CTNNA3: variants seen among roughly 807,000 people sequenced by gnomAD.
The protein encoded by CTNNA3 is catenin alpha 3.
Under a neutral mutation model 95.7 loss-of-function variants are expected in CTNNA3, and 76 were observed. That is an observed-to-expected ratio of 0.79 (90% CI 0.66 to 0.96). The LOEUF is 0.96. Among genes scored for constraint, CTNNA3 ranks in the 40% least tolerant of loss-of-function variants. The pLI is 0.00. For missense variants in CTNNA3, 1,191 were observed against 1,089.8 expected (o/e 1.09, Z -1.31); for synonymous variants, 431 against 374.4 (o/e 1.15, Z -1.74).
intron 11 of CTNNA3, among the ~76,000 whole-genome samples, chr10:66,505,588 G>A (rs1008140050): frequency 3.3e-5 from 5 of 152,104 alleles, no homozygotes; most frequent in East Asian, 1.9e-4. Context: ...TTCTTTTCTC[G>A]GTAAATGGAA....
At chr10:66,365,293 C>A (rs558876483) in intron 12 of CTNNA3, among the ~76,000 whole-genome samples, 3 of 152,100 alleles carry the variant, frequency 2.0e-5, no homozygotes, top group African/African-American at 7.2e-5. Flanking sequence ...GATGAGAAAA[C>A]CAAACACTGC....
At chr10:66,484,316 C>T (rs545976323) in intron 11 of CTNNA3, among the ~76,000 whole-genome samples, 4 of 151,768 alleles carry the variant, frequency 2.6e-5, no homozygotes, top group African/African-American at 9.7e-5. Flanking sequence ...AAAACTGTTC[C>T]AAATTTTCTT....
At chr10:66,163,957 T>C (rs1338359226) in intron 13 of CTNNA3, among the ~76,000 whole-genome samples, 1 of 152,226 alleles carries the variant, frequency 6.6e-6, no homozygotes, top group African/African-American at 2.4e-5. Context: ...CATTTTTGTG[T>C]TGGTACATAT....
At chr10:66,277,912 G>T (rs758442240) in intron 13 of CTNNA3, among the ~76,000 whole-genome samples, 1 of 151,682 alleles carries the variant, frequency 6.6e-6, no homozygotes, top group Non-Finnish European at 1.5e-5. Flanking sequence ...AGATACTAAA[G>T]GTTCTTAACA....
At chr10:66,610,229 T>C (rs565496853) in intron 10 of CTNNA3, among the ~76,000 whole-genome samples, 41 of 146,636 alleles carry the variant, frequency 2.8e-4, no homozygotes, top group African/African-American at 9.0e-4. Context: ...CCAGTTTTTG[T>C]GTAAAAATAC....
intron 2 of CTNNA3, among the ~76,000 whole-genome samples, chr10:67,617,766 C>CA (rs1843700045): frequency 7.2e-6 from 1 of 138,292 alleles, no homozygotes; most frequent in South Asian, 2.3e-4. Context: ...CCAGCATCTG[C>CA]TTTTTTTTTT....
intron 15 of CTNNA3, among the ~76,000 whole-genome samples, chr10:66,019,478 T>A (rs975606980): frequency 6.6e-6 from 1 of 152,186 alleles, no homozygotes; most frequent in Non-Finnish European, 1.5e-5. Context: ...TCTCCTACTG[T>A]AGCATTCCCA....
intron 13 of CTNNA3, among the ~76,000 whole-genome samples, chr10:66,222,871 A>G (rs1254876296): frequency 1.3e-5 from 2 of 152,188 alleles, no homozygotes; most frequent in African/African-American, 2.4e-5. Flanking sequence ...ATTCTTTTCT[A>G]TAAGGTTATT....
chr10:66,489,865 A>G (rs1839864093), intron 11 of CTNNA3, among the ~76,000 whole-genome samples: 8 of 152,204 alleles, frequency 5.3e-5, no homozygotes, highest in Admixed American at 4.6e-4. Flanking sequence ...TACTGGTCCA[A>G]CTTGTCCCAA....
chr10:66,853,133 A>G (rs10822931), intron 7 of CTNNA3, among the ~76,000 whole-genome samples: 87,675 of 151,896 alleles, frequency 0.58, 26,340 homozygotes, highest in Non-Finnish European at 0.63. Context: ...CAGGAGCACT[A>G]TATGCAACGC....
chr10:67,758,726 T>C (rs1019226381), intron 1 of CTNNA3, among the ~76,000 whole-genome samples: 1 of 151,498 alleles, frequency 6.6e-6, no homozygotes, highest in East Asian at 1.9e-4. Flanking sequence ...GGGTATAAGA[T>C]TTCATTCTTA....
rs571983851 is a variant in CTNNA3 at position 66,086,595 on chromosome 10, A to G, written c.1977+16562T>C. Among the ~76,000 whole-genome samples the G allele has an allele frequency of 1.5e-3, 233 of 152,164 alleles. 6 individuals are homozygous for G. Among genetic ancestry groups the G allele is most frequent in the Non-Finnish European group, 4.3e-4 (29 of 68,034 alleles). On this transcript the variant is annotated intron_variant, in intron 14 of 17. Coordinates refer to ENST00000433211, the MANE Select transcript of CTNNA3 (RefSeq NM_013266.4). ...TTTAAAACAAAAAATTTAAAAAGGAAGAAAAAATTACCACAAAAAACTTAC... is the reference window on the plus strand; with the variant it reads ...TTTAAAACAAAAAATTTAAAAAGGAGGAAAAAATTACCACAAAAAACTTAC...
chr10:66,406,957 A>AT (rs2093062301), intron 11 of CTNNA3, among the ~76,000 whole-genome samples: 1 of 152,088 alleles, frequency 6.6e-6, no homozygotes, highest in Non-Finnish European at 1.5e-5. Flanking sequence ...TCTGAATAAA[A>AT]TTTTCTTTCA....
chr10:67,356,756 T>C (rs1474089610), intron 5 of CTNNA3, among the ~76,000 whole-genome samples: 1 of 152,100 alleles, frequency 6.6e-6, no homozygotes, highest in East Asian at 1.9e-4. Context: ...TTAGCTTAGA[T>C]TCCATGGTCC....
chr10:66,177,456 C>G (rs1156873113), intron 13 of CTNNA3, among the ~76,000 whole-genome samples: 1 of 151,658 alleles, frequency 6.6e-6, no homozygotes, highest in Non-Finnish European at 1.5e-5. Flanking sequence ...TTGGAGGGAT[C>G]TATTTTTTTC....
intron 7 of CTNNA3, among the ~76,000 whole-genome samples, chr10:67,170,899 A>G (rs1861991434): frequency 6.6e-6 from 1 of 152,224 alleles, no homozygotes; most frequent in Non-Finnish European, 1.5e-5. Flanking sequence ...GCTACACTAT[A>G]AATGTAAAAT....
chr10:66,134,455 T>C (rs1408478328), intron 13 of CTNNA3, among the ~76,000 whole-genome samples: 1 of 152,166 alleles, frequency 6.6e-6, no homozygotes, highest in Non-Finnish European at 1.5e-5. Flanking sequence ...CATGGTTTAC[T>C]ATGTAGTACT....
chr10:67,377,509 A>C (rs1270947545), intron 5 of CTNNA3, among the ~76,000 whole-genome samples: 1 of 152,188 alleles, frequency 6.6e-6, no homozygotes, highest in Non-Finnish European at 1.5e-5. Context: ...CTAACATTCA[A>C]CGACTGATTT....
At chr10:65,938,975 T>G (rs1043610863) in intron 17 of CTNNA3, among the ~76,000 whole-genome samples, 1 of 151,880 alleles carries the variant, frequency 6.6e-6, no homozygotes, top group African/African-American at 2.4e-5. Flanking sequence ...CGATCTCGGC[T>G]CACTGCAAGC....
Sources: gnomAD v4.1 joint callset for allele counts (sites outside exome capture counted in the v4.1 genomes callset) on GRCh38, gnomAD v4.1.1 for gene constraint, MANE v1.5 for transcripts, NCBI Gene and HGNC (gene_info 2026-07-23, HGNC 2026-07-21) for gene names.